The following DGKB variants were observed in gnomAD, a reference collection of about 807,000 sequenced individuals.
DGKB encodes diacylglycerol kinase beta, also known as 90 kDa diacylglycerol kinase.
A neutral mutation model predicts 114.3 loss-of-function variants in DGKB; 67 were observed. That is an observed-to-expected ratio of 0.59 (90% confidence interval 0.48 to 0.72). The LOEUF is 0.72. Ranked by LOEUF, DGKB falls within the 30% of genes least tolerant of loss-of-function variation. DGKB has a pLI of 0.00. For synonymous variants in DGKB, 398 were observed against 323.1 expected (o/e 1.23, Z -2.49); for missense variants, 907 against 975.2 (o/e 0.93, Z 0.93).
intron 13 of DGKB, among the ~76,000 whole-genome samples, chr7:14,661,049 C>G (rs368951622): frequency 6.6e-6 from 1 of 150,622 alleles, no homozygotes; most frequent in African/African-American, 2.4e-5. Flanking sequence ...ATACAAAAAT[C>G]AATTCAAGAT....
chr7:14,566,457 T>C (rs1463261255), intron 20 of DGKB, among the ~76,000 whole-genome samples: 1 of 152,182 alleles, frequency 6.6e-6, no homozygotes, highest in East Asian at 1.9e-4. Context: ...AGATTTTAGG[T>C]AGAAAGAAAA....
At chr7:14,502,711 G>GT (rs986606805) in intron 20 of DGKB, among the ~76,000 whole-genome samples, 22 of 152,154 alleles carry the variant, frequency 1.4e-4, no homozygotes, top group African/African-American at 4.6e-4. Flanking sequence ...TATACATAAA[G>GT]TATCTATATG....
chr7:14,644,003 C>T (rs868016090), intron 13 of DGKB, among the ~76,000 whole-genome samples: 29 of 152,118 alleles, frequency 1.9e-4, no homozygotes, highest in Admixed American at 9.2e-4. Flanking sequence ...CCCCCAGGAT[C>T]CTGAAGACTG....
intron 5 of DGKB, among the ~76,000 whole-genome samples, chr7:14,722,997 C>T (rs1434496789): frequency 1.4e-5 from 2 of 147,974 alleles, no homozygotes; most frequent in African/African-American, 5.0e-5. Flanking sequence ...CTACTCTACC[C>T]TTTATTTATT....
intron 21 of DGKB, among the ~76,000 whole-genome samples, chr7:14,349,718 A>ATT (rs1403049421): frequency 1.3e-5 from 2 of 152,152 alleles, no homozygotes; most frequent in Non-Finnish European, 2.9e-5. Context: ...AGGCTGTTAA[A>ATT]TTTTATTTTT....
chr7:14,907,506 C>G (rs551533354), upstream of DGKB, among the ~76,000 whole-genome samples: 1 of 152,338 alleles, frequency 6.6e-6, no homozygotes, highest in South Asian at 2.1e-4. Flanking sequence ...AAGCACATAG[C>G]ACAGTGCCTG....
chr7:14,449,922 T>G (rs1282848949), intron 21 of DGKB, among the ~76,000 whole-genome samples: 1 of 152,106 alleles, frequency 6.6e-6, no homozygotes, highest in African/African-American at 2.4e-5. Context: ...ACTATCTAAT[T>G]AGTTCTTTAT....
intron 1 of DGKB, among the ~76,000 whole-genome samples, chr7:14,945,299 T>C (rs1587432417): frequency 6.6e-6 from 1 of 151,808 alleles, no homozygotes; most frequent in African/African-American, 2.4e-5. Context: ...TCAATAGAGT[T>C]AGAAGGTGGA....
intron 20 of DGKB, among the ~76,000 whole-genome samples, chr7:14,541,810 A>G (rs1368588361): frequency 6.6e-6 from 1 of 152,160 alleles, no homozygotes. Context: ...AAGTCAGACA[A>G]TGTTGTAATG....
At chr7:14,718,365 A>G (rs181595475) in intron 6 of DGKB, among the ~76,000 whole-genome samples, 177 bp downstream of exon 6, 58 of 152,292 alleles carry the variant, frequency 3.8e-4, no homozygotes, top group African/African-American at 1.3e-3. Context: ...CCTGAAATTA[A>G]TAGATCTTAA....
chr7:14,710,788 G>T (rs1827234045), intron 6 of DGKB, among the ~76,000 whole-genome samples: 1 of 151,864 alleles, frequency 6.6e-6, no homozygotes, highest in Admixed American at 6.6e-5. Flanking sequence ...CTCTTAATGT[G>T]GCATAATACA....
chr7:14,684,712 A>G (rs967621748), intron 10 of DGKB, among the ~76,000 whole-genome samples: 4 of 152,184 alleles, frequency 2.6e-5, no homozygotes, highest in African/African-American at 4.8e-5. Flanking sequence ...TTAACCATAT[A>G]TGAAGATTTT....
intron 1 of DGKB, among the ~76,000 whole-genome samples, chr7:14,949,024 AC>A (rs1263530613): frequency 6.6e-6 from 1 of 151,916 alleles, no homozygotes; most frequent in African/African-American, 2.4e-5. Flanking sequence ...TAATGAAGAA[AC>A]AAAACACAAA....
chr7:14,497,795 G>C (rs907221431), intron 20 of DGKB, among the ~76,000 whole-genome samples: 1 of 151,852 alleles, frequency 6.6e-6, no homozygotes, highest in Admixed American at 6.6e-5. Context: ...GGTTCAGCTG[G>C]TATTTGAACA....
intron 13 of DGKB, among the ~76,000 whole-genome samples, chr7:14,671,376 A>G (rs972243327): frequency 2.0e-5 from 3 of 152,204 alleles, no homozygotes; most frequent in Non-Finnish European, 4.4e-5. Flanking sequence ...AGATAGTACC[A>G]CAAAAATGGT....
At chr7:14,669,548 C>A (rs1003243842) in intron 13 of DGKB, among the ~76,000 whole-genome samples, 1 of 152,094 alleles carries the variant, frequency 6.6e-6, no homozygotes, top group African/African-American at 2.4e-5. Context: ...CACTGCAGCC[C>A]CAACATTTCT....
chr7:14,418,296 CAT>C (rs1477291046), intron 21 of DGKB, among the ~76,000 whole-genome samples: 1 of 136,046 alleles, frequency 7.4e-6, no homozygotes, highest in Non-Finnish European at 1.6e-5. Context: ...TGTATATATA[CAT>C]ATATGTATGT....
At chr7:14,318,992 T>A (rs1457543208) in intron 23 of DGKB, among the ~76,000 whole-genome samples, 3 of 152,160 alleles carry the variant, frequency 2.0e-5, no homozygotes, top group South Asian at 2.1e-4. Flanking sequence ...TTGTAGGGAC[T>A]TGGATGAAAT....
intron 25 of DGKB, among the ~76,000 whole-genome samples, chr7:14,153,525 G>A (rs542617637): frequency 1.8e-4 from 27 of 152,180 alleles, no homozygotes; most frequent in African/African-American, 6.3e-4. Flanking sequence ...CATAACATCA[G>A]TCAAGTGGGT....
Sources: gnomAD v4.1 joint callset for allele counts (sites outside exome capture counted in the v4.1 genomes callset) on GRCh38, gnomAD v4.1.1 for gene constraint, MANE v1.5 for transcripts, NCBI Gene and HGNC (gene_info 2026-07-23, HGNC 2026-07-21) for gene names.